Variants in FBXW4 observed in about 807,000 individuals in gnomAD.
FBXW4 encodes the protein F-box and WD repeat domain containing 4, also known as F-box/WD repeat-containing protein 4.
In FBXW4, 40 loss-of-function variants were observed where a neutral mutation model predicts 61.8. The ratio of observed to expected loss-of-function variants is 0.65; its 90% CI spans 0.50 to 0.84. FBXW4 has a LOEUF of 0.84. FBXW4 is among the 40% of genes least tolerant of loss of function. FBXW4 has a pLI of 0.00. For missense variants in FBXW4, 672 were observed against 753.8 expected, an observed-to-expected ratio of 0.89 and a Z score of 1.27; for synonymous variants, 311 against 313.8, an observed-to-expected ratio of 0.99 and a Z score of 0.10.
intron 6 of FBXW4, among the ~76,000 whole-genome samples, chr10:101,620,259 T>C (rs1226390275): frequency 6.6e-6 from 1 of 152,236 alleles, no homozygotes; most frequent in Non-Finnish European, 1.5e-5. Context: ...AAGATCAAAC[T>C]TTGTCCTGCC....
chr10:101,627,850 C>T (rs1298397651), intron 5 of FBXW4: 1 of 561,604 alleles, frequency 1.8e-6, no homozygotes, highest in Non-Finnish European at 2.3e-6. Flanking sequence ...TCAGACTCCT[C>T]CCTTGAGACT....
intron 5 of FBXW4, among the ~76,000 whole-genome samples, chr10:101,629,288 TC>T (rs780152779): frequency 3.3e-5 from 5 of 150,222 alleles, no homozygotes; most frequent in Non-Finnish European, 5.9e-5. Context: ...GGTACCACTT[TC>T]CCTTTTTTTT....
intron 5 of FBXW4, among the ~76,000 whole-genome samples, chr10:101,631,246 C>A (rs1048522922): frequency 6.6e-6 from 1 of 152,102 alleles, no homozygotes; most frequent in Non-Finnish European, 1.5e-5. Flanking sequence ...GATGACTGAA[C>A]CATAATGGGT....
intron 4 of FBXW4, among the ~76,000 whole-genome samples, chr10:101,669,774 A>G (rs1009387356): frequency 7.9e-5 from 10 of 126,858 alleles, no homozygotes; most frequent in Non-Finnish European, 1.5e-4. Flanking sequence ...TTTTTTTTTG[A>G]GATGGAGTCT....
chr10:101,663,994 T>C (rs2064271430), intron 5 of FBXW4, among the ~76,000 whole-genome samples: 1 of 152,230 alleles, frequency 6.6e-6, no homozygotes, highest in South Asian at 2.1e-4. Context: ...CCACTTTCCT[T>C]TGGAGCCTGC....
At chr10:101,631,186 G>T (rs1057359397) in intron 5 of FBXW4, among the ~76,000 whole-genome samples, 1 of 152,166 alleles carries the variant, frequency 6.6e-6, no homozygotes, top group Admixed American at 6.5e-5. Flanking sequence ...TTACCTCAAA[G>T]AGACAGTGCA....
chr10:101,646,591 G>A (rs17114149), intron 5 of FBXW4, among the ~76,000 whole-genome samples: 4,858 of 152,290 alleles, frequency 0.032, 100 homozygotes, highest in East Asian at 0.11. Context: ...TGAGGCAGCC[G>A]GGAAGGCCAG....
intron 5 of FBXW4, among the ~76,000 whole-genome samples, chr10:101,664,151 T>C (rs777413725): frequency 4.6e-5 from 7 of 152,194 alleles, no homozygotes; most frequent in Non-Finnish European, 8.8e-5. Flanking sequence ...AGACAGATAC[T>C]TGCTTTCTCT....
intron 1 of FBXW4, among the ~76,000 whole-genome samples, chr10:101,682,627 G>C (rs1480824802): frequency 6.6e-6 from 1 of 152,060 alleles, no homozygotes; most frequent in Non-Finnish European, 1.5e-5. Context: ...TTGGAATAAA[G>C]ACAGCACTTC....
At chr10:101,661,609 C>T (rs1317923100) in intron 5 of FBXW4, among the ~76,000 whole-genome samples, 1 of 152,120 alleles carries the variant, frequency 6.6e-6, no homozygotes, top group South Asian at 2.1e-4. Context: ...TGTCATGACG[C>T]CCCTTCTAGC....
chr10:101,667,358 C>T (rs1259208254), intron 5 of FBXW4, among the ~76,000 whole-genome samples: 3 of 152,110 alleles, frequency 2.0e-5, no homozygotes, highest in South Asian at 2.1e-4. Context: ...ACTTTTGCTA[C>T]AATAATCAAT....
intron 2 of FBXW4, among the ~76,000 whole-genome samples, chr10:101,675,649 C>T (rs1394061523): frequency 2.0e-5 from 3 of 152,172 alleles, no homozygotes; most frequent in African/African-American, 7.2e-5. Flanking sequence ...AGCACAGGTA[C>T]AGGTCACTCT....
chr10:101,673,681 G>T lies in FBXW4; in HGVS notation c.822-8C>A, dbSNP rs767966331. ...TGCATCCAGGGCATCTGACTGAAAT[G>T]ATGGAAAAGAAAATTTAAAAGTCAT... On this transcript the variant is annotated splice_polypyrimidine_tract_variant and splice_region_variant and intron_variant, in intron 2 of 8. Coordinates refer to ENST00000331272, the MANE Select transcript of FBXW4 (RefSeq NM_022039.4). 1 of 1,608,974 alleles carries T rather than the reference G, an allele frequency of 6.2e-7. No individual in the cohort carries two copies. The highest frequency in any genetic ancestry group is 1.1e-5 in the South Asian group (1 of 90,920).
chr10:101,659,033 G>A (rs1463505694), intron 5 of FBXW4, among the ~76,000 whole-genome samples: 4 of 151,844 alleles, frequency 2.6e-5, no homozygotes, highest in East Asian at 2.0e-4. Flanking sequence ...ACCCCAAGCC[G>A]AAGCAGGCTA....
chr10:101,692,360 A>G (rs1218504049), intron 1 of FBXW4, among the ~76,000 whole-genome samples: 2 of 151,628 alleles, frequency 1.3e-5, no homozygotes, highest in Non-Finnish European at 2.9e-5. Flanking sequence ...GCTGTCCAAA[A>G]CAAAGGAAAA....
chr10:101,631,968 T>TGA (rs2063962466), intron 5 of FBXW4, among the ~76,000 whole-genome samples: 2 of 152,158 alleles, frequency 1.3e-5, no homozygotes, highest in Non-Finnish European at 2.9e-5. Context: ...ATAACACTCC[T>TGA]GTCCATGACT....
chr10:101,683,861 A>C (rs2064504331), intron 1 of FBXW4, among the ~76,000 whole-genome samples: 1 of 152,242 alleles, frequency 6.6e-6, no homozygotes. Flanking sequence ...AGGAAAGGAA[A>C]GTGTCTCCAA....
intron 5 of FBXW4, among the ~76,000 whole-genome samples, chr10:101,655,780 G>T (rs1167745369): frequency 6.6e-6 from 1 of 152,254 alleles, no homozygotes; most frequent in African/African-American, 2.4e-5. Flanking sequence ...GCCCGGAAGG[G>T]CCATGATGCC....
chr10:101,674,908 T>A (rs1203793102), intron 2 of FBXW4, among the ~76,000 whole-genome samples: 1 of 152,208 alleles, frequency 6.6e-6, no homozygotes, highest in African/African-American at 2.4e-5. Context: ...ATCCCACCTG[T>A]CCTATTCTAC....
Sources: gnomAD v4.1 joint callset for allele counts (sites outside exome capture counted in the v4.1 genomes callset) on GRCh38, gnomAD v4.1.1 for gene constraint, MANE v1.5 for transcripts, NCBI Gene and HGNC (gene_info 2026-07-23, HGNC 2026-07-21) for gene names.